The following ANKRD11 variants were observed in gnomAD, a reference collection of about 807,000 sequenced individuals.
The protein encoded by ANKRD11 is ankyrin repeat domain-containing protein 11.
A neutral mutation model predicts 195.7 loss-of-function variants in ANKRD11; 17 were observed. That is an observed-to-expected ratio of 0.09 (90% CI 0.06 to 0.13). The LOEUF (loss-of-function observed/expected upper bound fraction) is 0.13, where lower values mean the gene tolerates loss of function less well. Ranked by LOEUF, ANKRD11 falls within the 10% of genes least tolerant of loss-of-function variation. The probability of loss-of-function intolerance (pLI) is 1.00; values close to 1 mark genes in which losing one functional copy is unlikely to be tolerated. For synonymous variants in ANKRD11, 1,953 were observed against 1,528.1 expected, an observed-to-expected ratio of 1.28 and a Z score of -6.49; for missense variants, 3,735 against 3,566.1, an observed-to-expected ratio of 1.05 and a Z score of -1.21.
intron 2 of ANKRD11, among the ~76,000 whole-genome samples, chr16:89,399,697 T>A (rs1172187148): frequency 6.6e-6 from 1 of 152,200 alleles, no homozygotes; most frequent in Non-Finnish European, 1.5e-5. Context: ...GTCGCGACTA[T>A]AACAAATGGC....
At chr16:89,468,857 G>A (rs2056972031) in intron 1 of ANKRD11, among the ~76,000 whole-genome samples, 1 of 152,204 alleles carries the variant, frequency 6.6e-6, no homozygotes, top group Admixed American at 6.5e-5. Context: ...CCTACAGGAA[G>A]AATGATACAC....
intron 2 of ANKRD11, among the ~76,000 whole-genome samples, chr16:89,357,629 ATG>A (rs2039545679): frequency 6.6e-6 from 1 of 152,192 alleles, no homozygotes; most frequent in Non-Finnish European, 1.5e-5. Flanking sequence ...CCCCTGGCGG[ATG>A]ACAGAGAAGC....
At chr16:89,274,671 G>T (rs2033486476) in intron 11 of ANKRD11, 143 bp downstream of exon 11, 1 of 1,231,936 alleles carries the variant, frequency 8.1e-7, no homozygotes, top group African/African-American at 1.5e-5. Flanking sequence ...AAGGCTAGAG[G>T]CATGCAAAGG....
chr16:89,356,791 A>G (rs1484814695), intron 2 of ANKRD11, among the ~76,000 whole-genome samples: 2 of 150,728 alleles, frequency 1.3e-5, no homozygotes, highest in African/African-American at 4.9e-5. Flanking sequence ...AAAAAAAAAA[A>G]AAAAGAAAAA....
intron 2 of ANKRD11, among the ~76,000 whole-genome samples, chr16:89,329,806 C>T (rs569482992): frequency 6.6e-6 from 1 of 151,982 alleles, no homozygotes; most frequent in East Asian, 1.9e-4. Context: ...GTCAGGAGTT[C>T]GAAACCAGCC....
chr16:89,394,828 T>A (rs1171390391), intron 2 of ANKRD11, among the ~76,000 whole-genome samples: 1 of 152,080 alleles, frequency 6.6e-6, no homozygotes, highest in East Asian at 1.9e-4. Flanking sequence ...GGTTATTGAG[T>A]TATTTTTCAA....
rs1256672166 is a variant in ANKRD11, at chr16:89,391,234, A to G, written c.-60+27050T>C. 8.6e-5 allele frequency among the ~76,000 whole-genome samples: 13 copies of G among 151,938 alleles called. No homozygotes were observed. In the East Asian group the frequency reaches 2.1e-3, roughly 25 times the overall value. The stretch of plus-strand genomic sequence containing the variant: ...CAGAGCGAGACTCTGTCTCAAAAAA[A>G]AAAAAAAAAAAAAATGATTGAACCC... On this transcript the variant is annotated intron_variant, in intron 2 of 12. Transcript: ENST00000301030.
chr16:89,461,969 T>C (rs1417518030), intron 1 of ANKRD11, among the ~76,000 whole-genome samples: 1 of 152,042 alleles, frequency 6.6e-6, no homozygotes, highest in East Asian at 1.9e-4. Context: ...ATCTTCTTAA[T>C]CACTGGTATA....
chr16:89,334,001 G>A (rs146532034), intron 2 of ANKRD11, among the ~76,000 whole-genome samples: 1 of 151,936 alleles, frequency 6.6e-6, no homozygotes, highest in Non-Finnish European at 1.5e-5. Context: ...ATATATCTAA[G>A]TTTCTCAATC....
At chr16:89,489,135 A>G (rs935039142) in intron 1 of ANKRD11, 9 of 152,104 alleles carry the variant, frequency 5.9e-5, no homozygotes, top group African/African-American at 2.2e-4. Flanking sequence ...AACCTTCCCA[A>G]ATAACACAAA....
intron 9 of ANKRD11, chr16:89,278,215 G>T (rs111723951): frequency 3.1e-6 from 1 of 319,914 alleles, no homozygotes. Context: ...GGGCAGGGGA[G>T]GCCGTGCACA....
At chr16:89,381,005 C>T (rs980163615) in intron 2 of ANKRD11, among the ~76,000 whole-genome samples, 21 of 152,094 alleles carry the variant, frequency 1.4e-4, no homozygotes, top group Non-Finnish European at 1.5e-5. Flanking sequence ...CCTGAGCACA[C>T]GGTAAACAAT....
intron 2 of ANKRD11, among the ~76,000 whole-genome samples, chr16:89,381,132 G>A (rs1017363788): frequency 1.3e-5 from 2 of 152,056 alleles, no homozygotes; most frequent in Non-Finnish European, 2.9e-5. Flanking sequence ...AGACCAGCCC[G>A]GCCAACATGG....
chr16:89,483,306 ATCT>A (rs1209624721), intron 1 of ANKRD11, among the ~76,000 whole-genome samples: 2 of 152,348 alleles, frequency 1.3e-5, no homozygotes, highest in Admixed American at 1.3e-4. Context: ...TTTCAACATC[ATCT>A]TCTTTTAAAA....
chr16:89,305,836 G>A (rs1363724460), intron 3 of ANKRD11, among the ~76,000 whole-genome samples: 4 of 114,402 alleles, frequency 3.5e-5, no homozygotes, highest in Non-Finnish European at 7.1e-5. Flanking sequence ...CTCCCACTCC[G>A]CAGACACGCA....
chr16:89,402,221 C>A (rs1433700412), intron 2 of ANKRD11, among the ~76,000 whole-genome samples: 1 of 152,112 alleles, frequency 6.6e-6, no homozygotes. Flanking sequence ...CAAAGGCAGG[C>A]GAAATGTGGA....
At chr16:89,379,400 G>A (rs1371303184) in intron 2 of ANKRD11, among the ~76,000 whole-genome samples, 1 of 152,222 alleles carries the variant, frequency 6.6e-6, no homozygotes, top group African/African-American at 2.4e-5. Context: ...AGCTGACCAT[G>A]GGGAACAGGC....
chr16:89,391,634 CAG>C (rs1459184061), intron 2 of ANKRD11, among the ~76,000 whole-genome samples: 3 of 152,218 alleles, frequency 2.0e-5, no homozygotes, highest in Non-Finnish European at 4.4e-5. Context: ...GCTACACAGA[CAG>C]ATACACAAAA....
chr16:89,470,311 A>T (rs1399754542), intron 1 of ANKRD11, among the ~76,000 whole-genome samples: 1 of 152,140 alleles, frequency 6.6e-6, no homozygotes, highest in Non-Finnish European at 1.5e-5. Flanking sequence ...AACCCTTTCT[A>T]CAAATCCTGC....
Sources: allele counts gnomAD v4.1 joint callset (sites outside exome capture counted in the v4.1 genomes callset), GRCh38; gene constraint gnomAD v4.1.1; transcripts MANE v1.5; gene names NCBI Gene and HGNC (gene_info 2026-07-23, HGNC 2026-07-21).